The following KCNH5 variants were observed in gnomAD, a reference collection of about 807,000 sequenced individuals.
KCNH5 encodes voltage-gated delayed rectifier potassium channel KCNH5.
In KCNH5, 46 loss-of-function variants were observed where a neutral mutation model predicts 96.1. The observed-to-expected ratio is 0.48, with a 90% CI of 0.38 to 0.61. KCNH5 has a LOEUF of 0.61. Ranked by LOEUF, KCNH5 falls within the 20% of genes least tolerant of loss-of-function variation. KCNH5 has a pLI of 0.00. For synonymous variants in KCNH5, 439 were observed against 449.8 expected (o/e 0.98, Z 0.30); for missense variants, 907 against 1,225.8 (o/e 0.74, Z 3.88).
At chr14:62,976,250 T>A (rs1890496980) in intron 6 of KCNH5, among the ~76,000 whole-genome samples, 1 of 150,494 alleles carries the variant, frequency 6.6e-6, no homozygotes, top group Non-Finnish European at 1.5e-5. Flanking sequence ...AATACAAAAA[T>A]AAAATTAGCC....
chr14:62,867,068 C>T (rs757002009), intron 7 of KCNH5, among the ~76,000 whole-genome samples: 16 of 152,088 alleles, frequency 1.1e-4, no homozygotes, highest in Non-Finnish European at 1.6e-4. Flanking sequence ...AGCTTGCTTC[C>T]ACCCGCAACT....
chr14:62,811,491 A>C (rs556527758), intron 8 of KCNH5, among the ~76,000 whole-genome samples: 53 of 152,210 alleles, frequency 3.5e-4, no homozygotes, highest in Admixed American at 1.8e-3. Flanking sequence ...TTCTCTGTCT[A>C]GTCATCACTG....
At chr14:62,860,254 A>T (rs1888006855) in intron 7 of KCNH5, among the ~76,000 whole-genome samples, 2 of 152,142 alleles carry the variant, frequency 1.3e-5, no homozygotes, top group African/African-American at 4.8e-5. Context: ...CTCCACTGTG[A>T]TTCATCTATG....
intron 7 of KCNH5, among the ~76,000 whole-genome samples, chr14:62,912,596 G>A (rs781094167): frequency 2.0e-5 from 3 of 151,806 alleles, no homozygotes; most frequent in East Asian, 3.9e-4. Flanking sequence ...TAGTAGAGAC[G>A]GGGTTTCACC....
intron 7 of KCNH5, among the ~76,000 whole-genome samples, chr14:62,857,216 A>G (rs1048114266): frequency 1.3e-5 from 2 of 152,196 alleles, no homozygotes; most frequent in Non-Finnish European, 2.9e-5. Flanking sequence ...TGCATTAATC[A>G]ATTACTAATG....
chr14:62,808,569 G>A (rs552862467), intron 8 of KCNH5, among the ~76,000 whole-genome samples: 37 of 152,138 alleles, frequency 2.4e-4, no homozygotes, highest in African/African-American at 8.2e-4. Context: ...TATTATAAAG[G>A]TGAAGTTTGG....
chr14:62,878,642 A>T (rs1305939304), intron 7 of KCNH5, among the ~76,000 whole-genome samples: 1 of 152,208 alleles, frequency 6.6e-6, no homozygotes, highest in Non-Finnish European at 1.5e-5. Context: ...CTAATTTAAA[A>T]TGAGCAAAAA....
At chr14:63,006,169 A>G (rs1160718069) in intron 3 of KCNH5, among the ~76,000 whole-genome samples, 197 bp downstream of exon 3, 8 of 152,162 alleles carry the variant, frequency 5.3e-5, no homozygotes, top group Non-Finnish European at 1.2e-4. Flanking sequence ...TTTTTCTTCC[A>G]TTCCTCAAAA....
At chr14:62,862,687 T>C (rs888935283) in intron 7 of KCNH5, among the ~76,000 whole-genome samples, 1 of 152,202 alleles carries the variant, frequency 6.6e-6, no homozygotes, top group Non-Finnish European at 1.5e-5. Context: ...CTTGAAATCA[T>C]CACCCTGAAG....
intron 9 of KCNH5, among the ~76,000 whole-genome samples, chr14:62,798,330 C>A (rs1036316675): frequency 1.3e-5 from 2 of 152,124 alleles, no homozygotes; most frequent in Non-Finnish European, 2.9e-5. Context: ...GTCTTAGGAG[C>A]ACGGTCTATT....
chr14:62,816,103 T>G (rs563415649), intron 8 of KCNH5, among the ~76,000 whole-genome samples: 2 of 152,054 alleles, frequency 1.3e-5, no homozygotes, highest in African/African-American at 4.8e-5. Context: ...CATATAGATT[T>G]TTTAAATCAA....
intron 10 of KCNH5, among the ~76,000 whole-genome samples, chr14:62,710,408 G>C (rs1438401142): frequency 6.6e-6 from 1 of 152,124 alleles, no homozygotes; most frequent in Non-Finnish European, 1.5e-5. Context: ...GTCTTTCAAA[G>C]GGTTGACACA....
intron 10 of KCNH5, among the ~76,000 whole-genome samples, chr14:62,752,295 GA>G (rs1433518792): frequency 2.6e-5 from 4 of 151,960 alleles, no homozygotes; most frequent in African/African-American, 9.7e-5. Context: ...TCCTGCCAAG[GA>G]AAGACCCCTT....
At chr14:62,912,722 A>G (rs1003042464) in intron 7 of KCNH5, among the ~76,000 whole-genome samples, 4 of 152,130 alleles carry the variant, frequency 2.6e-5, no homozygotes, top group Admixed American at 1.3e-4. Context: ...ATTTCTTTTA[A>G]TAATTGTCTC....
chr14:62,806,672 C>T (rs1469158760), intron 8 of KCNH5, among the ~76,000 whole-genome samples: 1 of 152,014 alleles, frequency 6.6e-6, no homozygotes, highest in Non-Finnish European at 1.5e-5. Context: ...TCTCCCAAGA[C>T]AGAGTGGGTT....
At chr14:63,006,969 C>T (rs1891139805) in intron 2 of KCNH5, among the ~76,000 whole-genome samples, 1 of 152,084 alleles carries the variant, frequency 6.6e-6, no homozygotes, top group African/African-American at 2.4e-5. Flanking sequence ...AATGGATAAT[C>T]AAAAGCAGTA....
intron 6 of KCNH5, among the ~76,000 whole-genome samples, chr14:62,965,579 T>C (rs2139549434): frequency 6.6e-6 from 1 of 152,224 alleles, no homozygotes; most frequent in South Asian, 2.1e-4. Flanking sequence ...TCTTTATAAA[T>C]TACCCAGCCT....
In KCNH5 at chr14:63,045,133, G is replaced by A; in HGVS notation, c.54C>T (p.Asn18=). Residue 18 remains asparagine (N), a synonymous_variant, in exon 1 of 11, where the codon AAC becomes AAT. Transcript: ENST00000322893. ...LVAPQNTFLE[N]IVRRSSESSF... is the part of the protein sequence containing the mutation. ...CCTTACCACTGGAGCGCCTGACGAT[G>A]TTCTCCAAAAATGTGTTCTGCGGTG... 7 of 1,613,918 alleles carry A rather than the reference G, an allele frequency of 4.3e-6. No individual in the cohort carries two copies. Among genetic ancestry groups the A allele is most frequent in the Non-Finnish European group, 5.9e-6 (7 of 1,179,968 alleles).
At chr14:62,730,372 A>G (rs1448647010) in intron 10 of KCNH5, among the ~76,000 whole-genome samples, 1 of 152,238 alleles carries the variant, frequency 6.6e-6, no homozygotes, top group Non-Finnish European at 1.5e-5. Flanking sequence ...GCATTGCCTT[A>G]GAAAGTAGAG....
Sources: gnomAD v4.1 joint callset for allele counts (sites outside exome capture counted in the v4.1 genomes callset) on GRCh38, gnomAD v4.1.1 for gene constraint, MANE v1.5 for transcripts, NCBI Gene and HGNC (gene_info 2026-07-23, HGNC 2026-07-21) for gene names.